The following PRRT1 variants were observed in gnomAD, a reference collection of about 807,000 sequenced individuals.
The protein encoded by PRRT1 is proline-rich transmembrane protein 1.
In PRRT1, 8 loss-of-function variants were observed where a neutral mutation model predicts 22.6. That is an observed-to-expected ratio of 0.35 (90% CI 0.21 to 0.64). The LOEUF is 0.64. Among genes scored for constraint, PRRT1 ranks in the 30% least tolerant of loss-of-function variants. The pLI is 0.69. For synonymous variants in PRRT1, 176 were observed against 203.6 expected (o/e 0.86, Z 1.15); for missense variants, 315 against 444.5 (o/e 0.71, Z 2.62).
rs1434350277 is a variant in PRRT1, at chr6:32,151,133, A to C, written c.20-227T>G. On this transcript the variant is annotated intron_variant, in intron 1 of 3. Coordinates refer to ENST00000211413, the MANE Select transcript of PRRT1 (RefSeq NM_030651.4). ...CTTCCAATCTAGTTTTGAGGTCACA[A>C]CTCTGGTCTGCTTCTTTTCTGTCTT... is the stretch of plus-strand genomic sequence containing the variant. 4 of 696,102 alleles carry C rather than the reference A, an allele frequency of 5.7e-6. No homozygotes were observed. The African/African-American group carries it at 7.1e-5, about 12-fold the overall frequency. The allele number at this position is 696,102 out of a possible 1,614,324, so 43.1% of individuals were successfully genotyped here. A position where few individuals can be genotyped will look rare whatever the true frequency, so the allele number is the denominator to read the frequency against.
rs778976244 is a variant in PRRT1, at chr6:32,149,173, G to A, written c.*49C>T. On this transcript the variant is annotated 3_prime_UTR_variant, in exon 4 of 4. Coordinates refer to ENST00000211413, the MANE Select transcript of PRRT1 (RefSeq NM_030651.4). This position sits in a 1 kb window ranked among gnomAD's most constrained non-coding sequence, Gnocchi z 8.7. ...TGGGTCCGCGGTATGACTGCAGAAAGAGCCTGGGAGATCGAGGGGCGCAGA... is the reference window on the plus strand; with the variant it reads ...TGGGTCCGCGGTATGACTGCAGAAAAAGCCTGGGAGATCGAGGGGCGCAGA... The A allele has an allele frequency of 1.3e-6, 2 of 1,594,302 alleles. No individual in the cohort carries two copies. The highest frequency in any genetic ancestry group is 2.7e-5 in the African/African-American group (2 of 74,728).
chr6:32,151,018 GAC>G (rs1783240086), intron 1 of PRRT1, 112 bp from the exon 2 acceptor site: 2 of 881,892 alleles, frequency 2.3e-6, no homozygotes, highest in African/African-American at 1.7e-5. Flanking sequence ...TAATGGGAGA[GAC>G]ACATAGAGAG....
rs530089828 is a variant in PRRT1, at chr6:32,151,149, T to C, written c.20-243A>G. 3.6e-5 allele frequency: 25 copies of C among 691,136 alleles called. No homozygotes were observed. The South Asian group carries it at 3.8e-4, about 10-fold the overall frequency. 42.8% of individuals were successfully genotyped at this position (691,136 alleles called of 1,614,324 possible). A position where few individuals can be genotyped will look rare whatever the true frequency, so the allele number is the denominator to read the frequency against. On this transcript the variant is annotated intron_variant, in intron 1 of 3. Transcript: ENST00000211413. ...GAGGTCACAACTCTGGTCTGCTTCT[T>C]TTCTGTCTTTTTCATCACCATGCAC...
chr6:32,151,969 GGGGCGGGC>G, upstream of PRRT1: 1 of 292,500 alleles, frequency 3.4e-6, no homozygotes, highest in Non-Finnish European at 6.8e-6. Context: ...GGGGGCGGGG[GGGGCGGGC>G]GGAGGGAGAG....
chr6:32,149,856 C>T lies in PRRT1; in HGVS notation c.559-134G>A. 1 of 609,224 alleles carries T rather than the reference C, an allele frequency of 1.6e-6. No homozygotes were observed. Among genetic ancestry groups the T allele is most frequent in the Admixed American group, 3.1e-5 (1 of 32,604 alleles). The allele number at this position is 609,224 out of a possible 1,614,324, so 37.7% of individuals were successfully genotyped here. The stretch of plus-strand genomic sequence containing the variant: ...TTCTCAAAATAAAGCACCCATTACC[C>T]TTCCAGGACACCCATAAATTCCACC... On this transcript the variant is annotated intron_variant, in intron 2 of 3. Transcript: ENST00000211413. The surrounding 1 kb of genome is among the most constrained non-coding windows in gnomAD (Gnocchi z 8.7).
upstream of PRRT1, chr6:32,152,871 G>A (rs1354901288): frequency 6.6e-6 from 1 of 151,238 alleles, no homozygotes; most frequent in African/African-American, 2.4e-5. Context: ...AGGGAGCGAG[G>A]ATAGGAAGTC....
chr6:32,149,121 C>A lies in PRRT1; in HGVS notation c.*101G>T. On this transcript the variant is annotated 3_prime_UTR_variant, in exon 4 of 4. Transcript: ENST00000211413. This position sits in a 1 kb window ranked among gnomAD's most constrained non-coding sequence, Gnocchi z 8.7. Reference sequence around the variant, plus strand: ...TACGATGTATCCAAGTCTGACGGCCCCAGAAACGGGTGTGCAGGGCGCCCA... The same window carrying A: ...TACGATGTATCCAAGTCTGACGGCCACAGAAACGGGTGTGCAGGGCGCCCA... 1 of 1,251,326 alleles carries A rather than the reference C, an allele frequency of 8.0e-7. No homozygotes were observed. The highest frequency in any genetic ancestry group is 2.4e-5 in the East Asian group (1 of 42,074). The allele number at this position is 1,251,326 out of a possible 1,614,324, so 77.5% of individuals were successfully genotyped here.
At chr6:32,151,999 G>GGGGGGGGGGGGGGGT, upstream of PRRT1, 1 of 371,720 alleles carries the variant, frequency 2.7e-6, no homozygotes, top group South Asian at 1.8e-5. Flanking sequence ...GGGGAGGGGG[G>GGGGGGGGGGGGGGGT]GAGCTTAAAG....
At chr6:32,152,180 G>A (rs1052087999), upstream of PRRT1, 18 of 638,226 alleles carry the variant, frequency 2.8e-5, no homozygotes, top group Non-Finnish European at 5.0e-5. Flanking sequence ...GTGGGACTAA[G>A]GAAAGGAAGG....
chr6:32,150,693 G>A lies in PRRT1; in HGVS notation c.233C>T (p.Ser78Phe), dbSNP rs1283844297. ...GTGGGGGGGCCTCGGCAGCGTGGCA[G>A]AGGAGGAGGGACCGCGCTGAGCGGT... is the stretch of plus-strand genomic sequence containing the variant. ...AATAQRGPSS[S>F]ATLPRPPHHA... Residue 78 changes from serine to phenylalanine, a missense_variant, in exon 2 of 4, where the codon TCT becomes TTT. By Grantham distance (155) the Ser-to-Phe change is radical (BLOSUM62 -2). Transcript: ENST00000211413. The surrounding 1 kb of genome is among the most constrained non-coding windows in gnomAD (Gnocchi z 7.2). 2.8e-6 allele frequency: 4 copies of A among 1,443,922 alleles called. No homozygotes were observed. The African/African-American group carries it at 5.8e-5, about 21-fold the overall frequency. 89.4% of individuals were successfully genotyped at this position (1,443,922 alleles called of 1,614,324 possible).
At chr6:32,151,956 GGGGGGGGC>G (rs1783328314), upstream of PRRT1, 7 of 299,838 alleles carry the variant, frequency 2.3e-5, no homozygotes, top group Non-Finnish European at 3.9e-5. Flanking sequence ...AGCGGCGGGG[GGGGGGGGC>G]GGGGGGGGCG....
intron 1 of PRRT1, chr6:32,151,255 G>A: frequency 7.2e-6 from 4 of 557,556 alleles, no homozygotes; most frequent in South Asian, 2.0e-5. Flanking sequence ...AGTCCTGTGT[G>A]TGCGTATGCG....
In PRRT1 at chr6:32,150,910, G is replaced by C. The variant is rs745738470; in HGVS notation, c.20-4C>G. 5.9e-5 allele frequency: 93 copies of C among 1,570,308 alleles called. No homozygotes were observed. The highest frequency in any genetic ancestry group is 7.8e-5 in the Non-Finnish European group (91 of 1,163,798). On this transcript the variant is annotated splice_polypyrimidine_tract_variant and splice_region_variant and intron_variant, in intron 1 of 3. Transcript: ENST00000211413. This position sits in a 1 kb window ranked among gnomAD's most constrained non-coding sequence, Gnocchi z 7.2. ...TGAGGGACTGAGTCTGGGAGTCCTG[G>C]GGGAGGTGAGTGGAGGAGAGTATAA...
At chr6:32,152,116 T>C (rs775722316), upstream of PRRT1, 3 of 696,064 alleles carry the variant, frequency 4.3e-6, no homozygotes, top group Non-Finnish European at 8.0e-6. Flanking sequence ...AGCCCCCAGT[T>C]TGGGTTCCTT....
chr6:32,151,975 G>GGGGGGT, upstream of PRRT1: 1 of 280,206 alleles, frequency 3.6e-6, no homozygotes, highest in South Asian at 2.5e-5. Context: ...GGGGGGGGCG[G>GGGGGGT]GCGGAGGGAG....
Position 32,149,018 on chromosome 6 carries a change from T to G in PRRT1, c.*204A>C. Reference sequence around the variant, plus strand: ...TCCCGGAAAGCGGCGTCCCTGGGGGTGTGGGTTTTGGAGGGGTTCCTGAGG... The same window carrying G: ...TCCCGGAAAGCGGCGTCCCTGGGGGGGTGGGTTTTGGAGGGGTTCCTGAGG... On this transcript the variant is annotated 3_prime_UTR_variant, in exon 4 of 4. Transcript: ENST00000211413. This position sits in a 1 kb window ranked among gnomAD's most constrained non-coding sequence, Gnocchi z 8.7. The G allele has an allele frequency of 2.8e-6, 2 of 716,452 alleles. No homozygotes were observed. Among genetic ancestry groups the G allele is most frequent in the Non-Finnish European group, 5.0e-6 (2 of 398,480 alleles). The allele number at this position is 716,452 out of a possible 1,614,324, so 44.4% of individuals were successfully genotyped here. A position where few individuals can be genotyped will look rare whatever the true frequency, so the allele number is the denominator to read the frequency against.
chr6:32,150,652 G>T lies in PRRT1; in HGVS notation c.274C>A (p.Pro92Thr), dbSNP rs1389085970. 2.8e-6 allele frequency: 4 copies of T among 1,421,510 alleles called. No individual in the cohort carries two copies. Among genetic ancestry groups the T allele is most frequent in the Non-Finnish European group, 3.7e-6 (4 of 1,093,384 alleles). 88.1% of individuals were successfully genotyped at this position (1,421,510 alleles called of 1,614,324 possible). ...PRPPHHAPPG[P>T]AAGAPPPGCA... The stretch of plus-strand genomic sequence containing the variant: ...CCGGGTGGGGGTGCCCCGGCAGCAG[G>T]GCCGGGAGGGGCGTGGTGGGGGGGC... The change falls in exon 2 of 4, where the codon CCT (proline) becomes ACT (threonine). Residue 92 changes from proline to threonine, a missense_variant. By Grantham distance (38) the Pro-to-Thr change is conservative (BLOSUM62 -1). Around this residue, in one of 4 missense-constraint regions of PRRT1, gnomAD observed 263 missense variants for 328.5 expected, o/e 0.80. Coordinates refer to ENST00000211413, the MANE Select transcript of PRRT1 (RefSeq NM_030651.4). The surrounding 1 kb of genome is among the most constrained non-coding windows in gnomAD (Gnocchi z 7.2).
upstream of PRRT1, chr6:32,151,951 C>CGGGGGGGGGGGGGGGGGGGGGGG: frequency 4.7e-5 from 10 of 214,874 alleles, no homozygotes; most frequent in South Asian, 1.7e-4. Flanking sequence ...AAGGCAGCGG[C>CGGGGGGGGGGGGGGGGGGGGGGG]GGGGGGGGGG....
rs926145314 is a variant in PRRT1, at chr6:32,150,473, G to C, written c.453C>G (p.His151Gln). The change falls in exon 2 of 4, where the codon CAC (histidine) becomes CAG (glutamine). Residue 151 changes from histidine (H) to glutamine (Q), a missense_variant. This residue lies in a region of PRRT1 where 263 missense variants were observed against 328.5 expected (regional missense o/e 0.80). Coordinates refer to ENST00000211413, the MANE Select transcript of PRRT1 (RefSeq NM_030651.4). The surrounding 1 kb of genome is among the most constrained non-coding windows in gnomAD (Gnocchi z 7.2). ...AQAPGFVVPTHAGTVGTLPLG... is the reference protein window; with the variant it reads ...AQAPGFVVPTQAGTVGTLPLG... ...GCGGCAGCGTGCCCACAGTCCCCGC[G>C]TGCGTGGGCACCACGAAGCCAGGGG... 2.7e-6 allele frequency: 4 copies of C among 1,496,884 alleles called. No homozygotes were observed. The highest frequency in any genetic ancestry group is 2.6e-5 in the Admixed American group (1 of 37,772). The allele number at this position is 1,496,884 out of a possible 1,614,324, so 92.7% of individuals were successfully genotyped here. A position where few individuals can be genotyped will look rare whatever the true frequency, so the allele number is the denominator to read the frequency against.
Sources: allele counts gnomAD v4.1 joint callset, GRCh38; gene constraint gnomAD v4.1.1; regional missense constraint gnomAD v4.1.1; non-coding constraint Gnocchi (gnomAD v3.1); transcripts MANE v1.5; gene names NCBI Gene and HGNC (gene_info 2026-07-23, HGNC 2026-07-21).